Variants in CRB1 observed in about 807,000 individuals in gnomAD.
The protein encoded by CRB1 is protein crumbs homolog 1.
Under a neutral mutation model 120.0 loss-of-function variants are expected in CRB1, and 83 were observed. The ratio of observed to expected loss-of-function variants is 0.69; its 90% CI spans 0.58 to 0.83. The LOEUF is 0.83. Ranked by LOEUF, CRB1 falls within the 40% of genes least tolerant of loss-of-function variation. The pLI is 0.00. For missense variants in CRB1, 1,699 were observed against 1,687.6 expected (o/e 1.01, Z -0.12); for synonymous variants, 625 against 612.5 (o/e 1.02, Z -0.30).
chr1:197,387,347 T>C (rs1662268808), intron 5 of CRB1, among the ~76,000 whole-genome samples: 1 of 152,122 alleles, frequency 6.6e-6, no homozygotes, highest in Admixed American at 6.6e-5. Context: ...ATTCAGCAAA[T>C]ATAGCTAATC....
In CRB1 at chr1:197,434,908, C is replaced by T. The variant is rs1052646716; in HGVS notation, c.3045C>T (p.Gly1015=). Residue 1015 remains glycine (G), a synonymous_variant, in exon 9 of 12, where the codon GGC becomes GGT. Transcript: ENST00000367400. The part of the protein sequence containing the change: ...DSRLFFQLQS[G]NSFYMLSLTS... ...GATTATTCTTTCAATTGCAAAGTGG[C>T]AACAGCTTTTATATGCTAAGTCTGA... The T allele has an allele frequency of 1.2e-6, 2 of 1,613,692 alleles. No individual in the cohort carries two copies. Among genetic ancestry groups the T allele is most frequent in the Admixed American group, 3.3e-5 (2 of 59,934 alleles).
Position 197,427,769 on chromosome 1 carries a change from G to T in CRB1, c.2444G>T (p.Gly815Val). 1.2e-6 allele frequency: 2 copies of T among 1,613,872 alleles called. No individual in the cohort carries two copies. Among genetic ancestry groups the T allele is most frequent in the Non-Finnish European group, 8.5e-7 (1 of 1,179,956 alleles). Residue 815 changes from glycine to valine, a missense_variant, in exon 7 of 12, where the codon GGA becomes GTA. By Grantham distance (109) the Gly-to-Val change is moderately radical (BLOSUM62 -3). Coordinates refer to ENST00000367400, the MANE Select transcript of CRB1 (RefSeq NM_201253.3). ...CTGTATCAGTCTTCACAAAACCTAG[G>T]ATTTATTTCTGCTTCTACGTGGAAA... The part of the protein sequence containing the change: ...IELYQSSQNL[G>V]FISASTWKIE...
intron 11 of CRB1, among the ~76,000 whole-genome samples, chr1:197,451,386 G>C (rs990176896): frequency 5.3e-5 from 8 of 152,180 alleles, no homozygotes; most frequent in Non-Finnish European, 1.5e-5. Context: ...AATTGGCCGA[G>C]ATCACCTGAT....
intron 11 of CRB1, among the ~76,000 whole-genome samples, chr1:197,453,773 T>C (rs955432573): frequency 7.0e-6 from 1 of 143,234 alleles, no homozygotes; most frequent in Non-Finnish European, 1.5e-5. Context: ...CTTCTTCTTA[T>C]TATTATTATT....
chr1:197,296,927 A>C (rs774177868), intron 1 of CRB1, among the ~76,000 whole-genome samples: 2 of 152,030 alleles, frequency 1.3e-5, no homozygotes, highest in Non-Finnish European at 2.9e-5. Flanking sequence ...TTGTGAGTCC[A>C]TTAAACCTCT....
chr1:197,210,271 G>A, the CRB1 span, among the ~76,000 whole-genome samples: 1 of 152,216 alleles, frequency 6.6e-6, no homozygotes, highest in Non-Finnish European at 1.5e-5. Context: ...GGATGTTGCT[G>A]TGGAGGGGTG....
chr1:197,252,160 C>T, the CRB1 span, among the ~76,000 whole-genome samples: 3 of 151,802 alleles, frequency 2.0e-5, no homozygotes, highest in Non-Finnish European at 4.4e-5. Flanking sequence ...AGTATGAATG[C>T]AATCATAGAT....
rs555344561 is a variant in CRB1, at chr1:197,311,335, G to A, written c.71-17087G>A. ...CTCATTTCTATGTGGAATTTTAAAA[G>A]TCAAACCCATGGAACATAGAATAGA... On this transcript the variant is annotated intron_variant, in intron 1 of 11. Transcript: ENST00000367400. Among the ~76,000 whole-genome samples, 95 of 152,290 alleles carry A rather than the reference G, an allele frequency of 6.2e-4. 1 individual carries two copies. Among genetic ancestry groups the A allele is most frequent in the African/African-American group, 2.3e-3 (95 of 41,568 alleles).
At chr1:197,305,122 C>G (rs1471016711) in intron 1 of CRB1, among the ~76,000 whole-genome samples, 1 of 152,074 alleles carries the variant, frequency 6.6e-6, no homozygotes, top group Non-Finnish European at 1.5e-5. Context: ...GCTCTGAAAC[C>G]TGATATCTAA....
At chr1:197,473,356 A>G (rs1667061390) in intron 11 of CRB1, among the ~76,000 whole-genome samples, 1 of 152,202 alleles carries the variant, frequency 6.6e-6, no homozygotes, top group Non-Finnish European at 1.5e-5. Context: ...AATAATCAGG[A>G]TGGAAGTTTC....
At chr1:197,221,267 A>G in the CRB1 span, among the ~76,000 whole-genome samples, 1 of 152,224 alleles carries the variant, frequency 6.6e-6, no homozygotes, top group East Asian at 1.9e-4. Flanking sequence ...GCCTGATAGT[A>G]TGCCACTGAT....
the CRB1 span, among the ~76,000 whole-genome samples, chr1:197,257,048 G>T: frequency 6.6e-6 from 1 of 151,574 alleles, no homozygotes; most frequent in African/African-American, 2.4e-5. Flanking sequence ...AAGCCAAAGT[G>T]GTGTAATTCA....
rs2125484620 is a variant in CRB1, at chr1:197,427,746, G to C, written c.2421G>C (p.Leu807=). 6.2e-7 allele frequency: 1 copy of C among 1,613,956 alleles called. No individual in the cohort carries two copies. Among genetic ancestry groups the C allele is most frequent in the Non-Finnish European group, 8.5e-7 (1 of 1,179,958 alleles). ...SLKIKPYKIE[L]YQSSQNLGFI... is the part of the protein sequence containing the mutation. ...AAATCAAGCCATATAAAATTGAACTGTATCAGTCTTCACAAAACCTAGGAT... is the reference window on the plus strand; with the variant it reads ...AAATCAAGCCATATAAAATTGAACTCTATCAGTCTTCACAAAACCTAGGAT... The change falls in exon 7 of 12, where the codon CTG becomes CTC. Residue 807 remains leucine (L), a synonymous_variant. Coordinates refer to ENST00000367400, the MANE Select transcript of CRB1 (RefSeq NM_201253.3).
At chr1:197,396,407 C>G (rs1218491877) in intron 5 of CRB1, among the ~76,000 whole-genome samples, 1 of 152,082 alleles carries the variant, frequency 6.6e-6, no homozygotes, top group Non-Finnish European at 1.5e-5. Flanking sequence ...CAAATTTAAT[C>G]TCTGCATTCA....
At chr1:197,329,949 T>C (rs984976025) in intron 2 of CRB1, among the ~76,000 whole-genome samples, 1 of 152,198 alleles carries the variant, frequency 6.6e-6, no homozygotes, top group Non-Finnish European at 1.5e-5. Flanking sequence ...CTTTCAGCTT[T>C]TAAACTTGCC....
At chr1:197,339,747 A>T (rs773609024) in intron 2 of CRB1, among the ~76,000 whole-genome samples, 1 of 152,220 alleles carries the variant, frequency 6.6e-6, no homozygotes, top group Non-Finnish European at 1.5e-5. Flanking sequence ...ATGCCGAAAG[A>T]TGCCAATTGG....
At chr1:197,357,985 T>C (rs1372352455) in intron 5 of CRB1, 1 of 152,214 alleles carries the variant, frequency 6.6e-6, no homozygotes, top group Admixed American at 6.5e-5. Context: ...ACTTCTATCA[T>C]GCATGCTTTC....
intron 6 of CRB1, among the ~76,000 whole-genome samples, chr1:197,423,543 A>G (rs1664436808): frequency 6.6e-6 from 1 of 152,176 alleles, no homozygotes; most frequent in Non-Finnish European, 1.5e-5. Context: ...ATAAAATTAA[A>G]ATATTCTGTA....
At chr1:197,362,100 T>C (rs534901193) in intron 5 of CRB1, among the ~76,000 whole-genome samples, 3 of 152,210 alleles carry the variant, frequency 2.0e-5, no homozygotes, top group Admixed American at 6.5e-5. Flanking sequence ...GACCTATGGA[T>C]GATTTAGAAA....
Sources: allele counts gnomAD v4.1 joint callset (sites outside exome capture counted in the v4.1 genomes callset), GRCh38; gene constraint gnomAD v4.1.1; transcripts MANE v1.5; gene names NCBI Gene and HGNC (gene_info 2026-07-23, HGNC 2026-07-21).